Variants in GRK3 observed in about 807,000 individuals in gnomAD.
The protein encoded by GRK3 is G protein-coupled receptor kinase 3.
Under a neutral mutation model 95.7 loss-of-function variants are expected in GRK3, and 54 were observed. That is an observed-to-expected ratio of 0.56 (90% CI 0.45 to 0.71). The LOEUF (loss-of-function observed/expected upper bound fraction) is 0.71, where lower values mean the gene tolerates loss of function less well. GRK3 is among the 30% of genes least tolerant of loss of function. The pLI, the probability that GRK3 is intolerant of heterozygous loss-of-function variation, is 0.00. For missense variants in GRK3, 649 were observed against 851.2 expected (o/e 0.76, Z 2.96); for synonymous variants, 281 against 290.8 (o/e 0.97, Z 0.34).
At chr22:25,672,534 A>G (rs115146499) in intron 7 of GRK3, among the ~76,000 whole-genome samples, 187 bp downstream of exon 7, 24 of 152,286 alleles carry the variant, frequency 1.6e-4, no homozygotes, top group African/African-American at 5.8e-4. Context: ...AGAAGCTTTA[A>G]TCCTTTTTCA....
chr22:25,667,052 C>T (rs985582151), intron 5 of GRK3, among the ~76,000 whole-genome samples: 3 of 152,248 alleles, frequency 2.0e-5, no homozygotes, highest in East Asian at 1.9e-4. Flanking sequence ...CAGGAGCCCT[C>T]GCCTTAACCC....
chr22:25,630,254 G>C (rs2084655376), intron 2 of GRK3, among the ~76,000 whole-genome samples: 1 of 152,156 alleles, frequency 6.6e-6, no homozygotes, highest in African/African-American at 2.4e-5. Flanking sequence ...GAGGTGGATA[G>C]ATGATTTGTG....
At chr22:25,623,117 T>G (rs2084599029) in intron 2 of GRK3, among the ~76,000 whole-genome samples, 1 of 152,084 alleles carries the variant, frequency 6.6e-6, no homozygotes, top group Non-Finnish European at 1.5e-5. Context: ...AATTTTTGTA[T>G]TTTTTGTAGA....
chr22:25,614,029 C>A (rs1456797857), intron 2 of GRK3, among the ~76,000 whole-genome samples: 2 of 152,000 alleles, frequency 1.3e-5, no homozygotes, highest in East Asian at 3.8e-4. Flanking sequence ...AGAAAAGCTA[C>A]ATTTTACTGG....
chr22:25,586,306 A>AC (rs1290930374), intron 1 of GRK3, among the ~76,000 whole-genome samples: 31 of 152,398 alleles, frequency 2.0e-4, no homozygotes, highest in African/African-American at 7.2e-4. Context: ...CTGTGCAATA[A>AC]CACAACAGAG....
intron 9 of GRK3, among the ~76,000 whole-genome samples, chr22:25,683,610 G>A (rs2085091256): frequency 6.6e-6 from 1 of 152,126 alleles, no homozygotes; most frequent in Non-Finnish European, 1.5e-5. Flanking sequence ...GTTTTAATTT[G>A]CGTTACCTTG....
chr22:25,632,208 A>G lies in GRK3; in HGVS notation c.191-12384A>G, dbSNP rs369963944. Among the ~76,000 whole-genome samples, 23 of 152,216 alleles carry G rather than the reference A, an allele frequency of 1.5e-4. 1 individual carries two copies. Among genetic ancestry groups the G allele is most frequent in the Admixed American group, 7.2e-4 (11 of 15,294 alleles). On this transcript the variant is annotated intron_variant, in intron 2 of 20. Coordinates refer to ENST00000324198, the MANE Select transcript of GRK3 (RefSeq NM_005160.4). The stretch of plus-strand genomic sequence containing the variant: ...GCTCCACATCCTTACCAGCATTGCT[A>G]TTGTCTTTTCTTTTTTGCTTTTGTT...
chr22:25,700,810 C>T lies in GRK3; in HGVS notation c.1161-2700C>T, dbSNP rs557093911. ...CCTTGTTAGCCGGGATGGTCTTGAT[C>T]TCCTGACCTTGTGATCCACCTGCCT... On this transcript the variant is annotated intron_variant, in intron 13 of 20. Coordinates refer to ENST00000324198, the MANE Select transcript of GRK3 (RefSeq NM_005160.4). Among the ~76,000 whole-genome samples the T allele has an allele frequency of 1.4e-3, 218 of 152,322 alleles. 1 individual carries two copies. The highest frequency in any genetic ancestry group is 3.4e-3 in the Middle Eastern group (1 of 294).
At chr22:25,720,281 T>A (rs981810293) in intron 19 of GRK3, among the ~76,000 whole-genome samples, 2 of 152,130 alleles carry the variant, frequency 1.3e-5, no homozygotes, top group African/African-American at 4.8e-5. Context: ...TAGTGTTCTA[T>A]TTAAGAAGCT....
At chr22:25,611,001 A>G (rs1301611411) in intron 2 of GRK3, among the ~76,000 whole-genome samples, 1 of 152,132 alleles carries the variant, frequency 6.6e-6, no homozygotes, top group Non-Finnish European at 1.5e-5. Context: ...AGCTGGGATT[A>G]CAGGTGCATG....
chr22:25,690,117 T>G, intron 11 of GRK3, 72 bp from the exon 12 acceptor site: 1 of 1,068,236 alleles, frequency 9.4e-7, no homozygotes, highest in Non-Finnish European at 1.4e-6. Context: ...ATCAGGTGTC[T>G]GCACTCAAAG....
At chr22:25,671,590 C>T (rs903172478) in intron 6 of GRK3, among the ~76,000 whole-genome samples, 10 of 152,132 alleles carry the variant, frequency 6.6e-5, no homozygotes, top group African/African-American at 2.4e-4. Context: ...GTTCAAATTC[C>T]ACTCTCCCAC....
At chr22:25,659,908 G>A (rs541155557) in intron 3 of GRK3, among the ~76,000 whole-genome samples, 23 of 152,306 alleles carry the variant, frequency 1.5e-4, no homozygotes, top group Middle Eastern at 3.4e-3. Context: ...CACAGAATGA[G>A]CATTTGTTTA....
intron 2 of GRK3, among the ~76,000 whole-genome samples, chr22:25,615,994 G>A (rs1488772137): frequency 6.7e-6 from 1 of 148,592 alleles, no homozygotes; most frequent in Non-Finnish European, 1.5e-5. Context: ...GAGGCCAGGG[G>A]GCTGCAGGGC....
chr22:25,695,243 GT>G, intron 13 of GRK3, 29 bp downstream of exon 13: 9 of 1,513,022 alleles, frequency 5.9e-6, no homozygotes, highest in Non-Finnish European at 8.3e-6. Context: ...TTCTAGTGCT[GT>G]CCTCATGGCA....
chr22:25,721,921 A>G (rs1601552208), intron 20 of GRK3, among the ~76,000 whole-genome samples: 1 of 152,250 alleles, frequency 6.6e-6, no homozygotes, highest in Non-Finnish European at 1.5e-5. Context: ...TCAGTACTAC[A>G]TTACATACAT....
rs113255457 is a variant in GRK3, at chr22:25,620,110, G to T, written c.190+15657G>T. On this transcript the variant is annotated intron_variant, in intron 2 of 20. Transcript: ENST00000324198. ...GCAAGAAGGAAGGGAGAAGGAAGAA[G>T]CTCCCCTGTACAGAGACAGAGGGAG... Among the ~76,000 whole-genome samples the T allele has an allele frequency of 8.8e-3, 1,289 of 146,736 alleles. 26 individuals carry two copies. The highest frequency in any genetic ancestry group is 0.03 in the African/African-American group (1,217 of 40,292).
intron 5 of GRK3, among the ~76,000 whole-genome samples, chr22:25,666,629 G>T (rs1466311716): frequency 1.3e-5 from 2 of 151,896 alleles, no homozygotes; most frequent in Non-Finnish European, 2.9e-5. Flanking sequence ...CTTTCTGCTT[G>T]CAGGAAGCAA....
chr22:25,701,980 G>A (rs1316390261), intron 13 of GRK3, among the ~76,000 whole-genome samples: 2 of 152,034 alleles, frequency 1.3e-5, no homozygotes, highest in Admixed American at 1.3e-4. Flanking sequence ...TTTAAATGTG[G>A]TAATTGTACA....
Sources: allele counts gnomAD v4.1 joint callset (sites outside exome capture counted in the v4.1 genomes callset), GRCh38; gene constraint gnomAD v4.1.1; transcripts MANE v1.5; gene names NCBI Gene and HGNC (gene_info 2026-07-23, HGNC 2026-07-21).